Variants in MCM9 observed in about 807,000 individuals in gnomAD.
MCM9 encodes DNA helicase MCM9.
Under a neutral mutation model 72.8 loss-of-function variants are expected in MCM9, and 55 were observed. The ratio of observed to expected loss-of-function variants is 0.76; its 90% CI spans 0.61 to 0.95. MCM9 has a LOEUF of 0.95. Among genes scored for constraint, MCM9 ranks in the 40% least tolerant of loss-of-function variants. The probability of loss-of-function intolerance (pLI) is 0.00; values close to 1 mark genes in which losing one functional copy is unlikely to be tolerated. For missense variants in MCM9, 1,279 were observed against 1,377.0 expected (o/e 0.93, Z 1.13); for synonymous variants, 480 against 503.4 (o/e 0.95, Z 0.62).
At chr6:118,889,997 G>A (rs1374933499) in intron 8 of MCM9, among the ~76,000 whole-genome samples, 2 of 152,210 alleles carry the variant, frequency 1.3e-5, no homozygotes, top group East Asian at 3.8e-4. Flanking sequence ...AAAAGTATAA[G>A]GATGCATTCC....
intron 8 of MCM9, among the ~76,000 whole-genome samples, chr6:118,866,594 T>C (rs1279029325): frequency 2.0e-5 from 3 of 152,174 alleles, no homozygotes; most frequent in South Asian, 2.1e-4. Context: ...AGTAGAAGAA[T>C]AGATTGGTTA....
chr6:118,822,312 G>T (rs2114521313), intron 13 of MCM9, among the ~76,000 whole-genome samples: 1 of 152,160 alleles, frequency 6.6e-6, no homozygotes, highest in Non-Finnish European at 1.5e-5. Flanking sequence ...TTGTGTGGGG[G>T]CCCTTTTTGT....
chr6:118,930,197 G>A (rs1225619171), intron 3 of MCM9, among the ~76,000 whole-genome samples: 2 of 152,004 alleles, frequency 1.3e-5, no homozygotes, highest in Admixed American at 6.6e-5. Flanking sequence ...TGCAAGCTCC[G>A]CCTCCTGGGT....
chr6:118,821,986 G>A (rs1374662443), intron 13 of MCM9, among the ~76,000 whole-genome samples: 3 of 152,006 alleles, frequency 2.0e-5, no homozygotes, highest in Non-Finnish European at 2.9e-5. Context: ...GGTAATTTAC[G>A]CTTCTTTCTA....
chr6:118,857,487 A>G (rs1380367478), intron 8 of MCM9, among the ~76,000 whole-genome samples: 2 of 152,166 alleles, frequency 1.3e-5, no homozygotes, highest in Non-Finnish European at 2.9e-5. Context: ...GCAAAAGAGG[A>G]TAACAATAGA....
At position 118,815,366 on chromosome 6, in the gene MCM9, C is replaced by A. The variant is rs1275424147; in HGVS notation, c.2890G>T (p.Ala964Ser). ...CCTGGACGCTTCACCGGCAAGGCTG[C>A]GTCTCTTCTTGTTCTACGCTGGGAA... is the stretch of plus-strand genomic sequence containing the variant. ...KISQRRTRRD[A>S]ALPVKRPGKL... The change falls in exon 14 of 14, where the codon GCA becomes TCA. Residue 964 changes from alanine to serine, a missense_variant. Physicochemically the swap from Ala to Ser is moderately conservative, Grantham distance 99. Transcript: ENST00000619706. The A allele has an allele frequency of 5.8e-6, 9 of 1,550,412 alleles. No individual in the cohort carries two copies. Among genetic ancestry groups the A allele is most frequent in the Non-Finnish European group, 7.0e-6 (8 of 1,146,864 alleles).
At chr6:118,877,905 G>A (rs547750266) in intron 8 of MCM9, among the ~76,000 whole-genome samples, 47 of 152,308 alleles carry the variant, frequency 3.1e-4, no homozygotes, top group Admixed American at 5.9e-4. Flanking sequence ...GCTCTCACCT[G>A]TAATCTCAAC....
intron 9 of MCM9, among the ~76,000 whole-genome samples, chr6:118,830,811 T>A (rs1187540810): frequency 6.6e-6 from 1 of 152,210 alleles, no homozygotes; most frequent in Non-Finnish European, 1.5e-5. Context: ...AAAGCTGTAC[T>A]GAGAATCCAA....
chr6:118,814,858 C>T lies in MCM9; in HGVS notation c.3398G>A (p.Cys1133Tyr). 2 of 1,526,890 alleles carry T rather than the reference C, an allele frequency of 1.3e-6. No homozygotes were observed. 94.6% of individuals were successfully genotyped at this position (1,526,890 alleles called of 1,614,324 possible). The change falls in exon 14 of 14, where the codon TGT becomes TAT. Residue 1133 changes from cysteine to tyrosine, a missense_variant. Cys to Tyr is a radical substitution (Grantham distance 194). Coordinates refer to ENST00000619706, the MANE Select transcript of MCM9 (RefSeq NM_017696.3). ...TTTTCTCATCTCTTCATCCCAGTCA[C>T]AATCAAATGCTTCATCACCTAGTTC... Reference protein sequence around the residue: ...LPELGDEAFDCDWDEEMRKKS With the variant: ...LPELGDEAFDYDWDEEMRKKS
rs1234085644 is a variant in MCM9, at chr6:118,815,941, A to AT, written c.2314dup (p.Met772AsnfsTer7). The AT allele has an allele frequency of 1.5e-5, 24 of 1,550,042 alleles. No individual in the cohort carries two copies. Among genetic ancestry groups the AT allele is most frequent in the Non-Finnish European group, 2.1e-5 (24 of 1,146,970 alleles). On this transcript the variant is annotated frameshift_variant, in exon 14 of 14. Coordinates refer to ENST00000619706, the MANE Select transcript of MCM9 (RefSeq NM_017696.3). LOFTEE classifies it low-confidence loss of function (END_TRUNC). ...TGTGCTGTTAGAGATCTTCGAAGCC[A>AT]TATTTTCTCCAGATGTTTTGGGATG...
chr6:118,867,516 C>A (rs138052212), intron 8 of MCM9, among the ~76,000 whole-genome samples: 3,206 of 152,160 alleles, frequency 0.021, 122 homozygotes, highest in African/African-American at 0.074. Context: ...CAATAAGTAC[C>A]CTATGCAATT....
At chr6:118,917,465 T>C in intron 6 of MCM9, 96 bp downstream of exon 6, 2 of 1,191,362 alleles carry the variant, frequency 1.7e-6, no homozygotes, top group Non-Finnish European at 2.5e-6. Flanking sequence ...GTCATTGAGT[T>C]ATGCGGCATA....
chr6:118,821,741 C>G lies in MCM9; in HGVS notation c.1961+4406G>C, dbSNP rs1773827009. Among the ~76,000 whole-genome samples, 2 of 152,316 alleles carry G rather than the reference C, an allele frequency of 1.3e-5. 1 individual carries two copies. The highest frequency in any genetic ancestry group is 4.1e-4 in the South Asian group (2 of 4,830). On this transcript the variant is annotated intron_variant, in intron 13 of 13. Transcript: ENST00000619706. Reference sequence around the variant, plus strand: ...TCCAACTTGGTTCCATTCTCCCCATCATTTTCAGGTATACCAATCAATCTT... The same window carrying G: ...TCCAACTTGGTTCCATTCTCCCCATGATTTTCAGGTATACCAATCAATCTT...
intron 9 of MCM9, among the ~76,000 whole-genome samples, chr6:118,841,364 C>T (rs1775352254): frequency 6.6e-6 from 1 of 152,166 alleles, no homozygotes; most frequent in Non-Finnish European, 1.5e-5. Flanking sequence ...CCCTCTTCTC[C>T]CTGCCTCTCT....
chr6:118,864,238 T>C (rs1185752104), intron 8 of MCM9, among the ~76,000 whole-genome samples: 1 of 152,016 alleles, frequency 6.6e-6, no homozygotes, highest in Non-Finnish European at 1.5e-5. Context: ...GTCCCCAAAG[T>C]CCATTATATC....
chr6:118,924,840 T>C (rs367696837), intron 3 of MCM9, among the ~76,000 whole-genome samples: 2 of 152,062 alleles, frequency 1.3e-5, no homozygotes, highest in Admixed American at 1.3e-4. Context: ...GCCCAGGAGT[T>C]CAAGACTAGC....
Position 118,828,100 on chromosome 6 carries a change from C to T in MCM9, c.1559G>A (p.Ser520Asn). Reference sequence around the variant, plus strand: ...GAAATAGGTTTTCATCTTTTCCATGCTCCAGAGCTTCTCTGATTTGCTTGG... The same window carrying T: ...GAAATAGGTTTTCATCTTTTCCATGTTCCAGAGCTTCTCTGATTTGCTTGG... ...GYPSKSEKLW[S>N]MEKMKTYFCL... is the part of the protein sequence containing the mutation. Residue 520 changes from serine (S) to asparagine (N), a missense_variant, in exon 11 of 14, where the codon AGC becomes AAC. By Grantham distance (46) the Ser-to-Asn change is conservative. Transcript: ENST00000619706. 6.4e-7 allele frequency: 1 copy of T among 1,550,502 alleles called. No homozygotes were observed. The highest frequency in any genetic ancestry group is 8.7e-7 in the Non-Finnish European group (1 of 1,146,974).
chr6:118,894,978 C>T (rs1779268068), intron 8 of MCM9, among the ~76,000 whole-genome samples: 1 of 152,170 alleles, frequency 6.6e-6, no homozygotes, highest in East Asian at 1.9e-4. Context: ...GAGAATTGGG[C>T]CAGCGACCCC....
chr6:118,873,387 T>G (rs1777741072), intron 8 of MCM9, among the ~76,000 whole-genome samples: 1 of 152,074 alleles, frequency 6.6e-6, no homozygotes, highest in South Asian at 2.1e-4. Flanking sequence ...CATCGGCCTC[T>G]GGACAGGATA....
Sources: gnomAD v4.1 joint callset for allele counts (sites outside exome capture counted in the v4.1 genomes callset) on GRCh38, gnomAD v4.1.1 for gene constraint, MANE v1.5 for transcripts, NCBI Gene and HGNC (gene_info 2026-07-23, HGNC 2026-07-21) for gene names.